The following RELN variants were observed in gnomAD, a reference collection of about 807,000 sequenced individuals.
The protein encoded by RELN is reelin.
Under a neutral mutation model 427.6 loss-of-function variants are expected in RELN, and 108 were observed. The ratio of observed to expected loss-of-function variants is 0.25; its 90% CI spans 0.22 to 0.30. The LOEUF (loss-of-function observed/expected upper bound fraction) is 0.30. Among genes scored for constraint, RELN ranks in the 10% least tolerant of loss-of-function variants. The probability of loss-of-function intolerance (pLI) is 1.00; values close to 1 mark genes in which losing one functional copy is unlikely to be tolerated. For missense variants in RELN, 3,715 were observed against 4,302.8 expected (o/e 0.86, Z 3.82); for synonymous variants, 1,524 against 1,513.4 (o/e 1.01, Z -0.16).
chr7:103,816,726 G>A (rs543609275), intron 3 of RELN, among the ~76,000 whole-genome samples: 14 of 152,260 alleles, frequency 9.2e-5, no homozygotes, highest in African/African-American at 3.4e-4. Context: ...GATCATGTAA[G>A]CTACAATGAC....
At chr7:103,973,645 GAAATATTT>G (rs1342967942) in intron 1 of RELN, among the ~76,000 whole-genome samples, 1 of 152,034 alleles carries the variant, frequency 6.6e-6, no homozygotes, top group Non-Finnish European at 1.5e-5. Flanking sequence ...CCTGAAATGT[GAAATATTT>G]ATAGATTTTT....
At chr7:103,610,106 A>C (rs1282868736) in intron 22 of RELN, among the ~76,000 whole-genome samples, 2 of 152,206 alleles carry the variant, frequency 1.3e-5, no homozygotes, top group Non-Finnish European at 2.9e-5. Context: ...CAAATATTAC[A>C]TCTTTTTGAG....
At chr7:103,720,172 A>T (rs1284752924) in intron 8 of RELN, among the ~76,000 whole-genome samples, 3 of 143,468 alleles carry the variant, frequency 2.1e-5, no homozygotes, top group Admixed American at 1.4e-4. Flanking sequence ...TTGTATAAAC[A>T]TTGTGTGTGT....
intron 10 of RELN, among the ~76,000 whole-genome samples, chr7:103,694,662 T>C (rs1833939805): frequency 6.6e-6 from 1 of 152,098 alleles, no homozygotes; most frequent in Non-Finnish European, 1.5e-5. Flanking sequence ...TAATTAAGCA[T>C]TGCTGTTAGA....
intron 31 of RELN, among the ~76,000 whole-genome samples, chr7:103,568,897 G>A (rs1428948975): frequency 6.6e-6 from 1 of 152,126 alleles, no homozygotes; most frequent in Non-Finnish European, 1.5e-5. Flanking sequence ...CTCAAAGTAT[G>A]GTCTGAGACC....
intron 4 of RELN, 132 bp downstream of exon 4, chr7:103,776,425 G>A (rs1005533057): frequency 1.8e-5 from 16 of 877,962 alleles, no homozygotes; most frequent in Middle Eastern, 2.3e-4. Flanking sequence ...TTAGTGATAC[G>A]AAGGGTCAAT....
rs79466423 is a variant in RELN at position 103,836,899 on chromosome 7, A to C, written c.338-3227T>G. Among the ~76,000 whole-genome samples the C allele has an allele frequency of 3.7e-3, 567 of 152,274 alleles. 18 individuals carry two copies. In the East Asian group the frequency reaches 0.062, roughly 17 times the overall value. ...CTCCTTAAAAGCACAAAGCAGGTCT[A>C]CTAATCCACATTCCTCTAGCATCTA... On this transcript the variant is annotated intron_variant, in intron 2 of 64. Coordinates refer to ENST00000428762, the MANE Select transcript of RELN (RefSeq NM_005045.4).
Position 103,909,757 on chromosome 7 carries a change from AAT to A in RELN, c.337+7316_337+7317del, listed in dbSNP as rs1286121005. Reference sequence around the variant, plus strand: ...TTAATATATATAAATATATATATTAAATATATATATTTAATATATATAAATAT... The same window carrying A: ...TTAATATATATAAATATATATATTAAATATATATTTAATATATATAAATAT... On this transcript the variant is annotated intron_variant, in intron 2 of 64. Transcript: ENST00000428762. Among the ~76,000 whole-genome samples, 121 of 87,116 alleles carry A rather than the reference AAT, an allele frequency of 1.4e-3. 10 individuals are homozygous for A. The East Asian group carries it at 0.035, about 25-fold the overall frequency. The allele number at this position is 87,116 out of a possible 152,430, so 57.2% of individuals were successfully genotyped here.
intron 7 of RELN, among the ~76,000 whole-genome samples, chr7:103,724,998 C>T (rs1790170148): frequency 1.3e-5 from 2 of 151,946 alleles, no homozygotes; most frequent in East Asian, 1.9e-4. Flanking sequence ...ACAAAAGGGG[C>T]CCTTAAAGAG....
intron 4 of RELN, among the ~76,000 whole-genome samples, chr7:103,765,748 A>G (rs571222345): frequency 9.6e-4 from 146 of 152,306 alleles, no homozygotes; most frequent in South Asian, 3.7e-3. Context: ...TGTAGAAAGA[A>G]TTCTTCCATA....
chr7:103,828,284 C>A (rs1157508934), intron 3 of RELN, among the ~76,000 whole-genome samples: 1 of 151,922 alleles, frequency 6.6e-6, no homozygotes, highest in East Asian at 1.9e-4. Flanking sequence ...CTGCTAGTGT[C>A]TGCAATTTTT....
At chr7:103,808,045 T>C (rs1792643409) in intron 3 of RELN, among the ~76,000 whole-genome samples, 1 of 152,154 alleles carries the variant, frequency 6.6e-6, no homozygotes. Context: ...CTCTTGGATT[T>C]CATAAGGCTG....
intron 1 of RELN, among the ~76,000 whole-genome samples, chr7:103,924,991 TACACACAC>T (rs57662220): frequency 0.028 from 1,349 of 49,054 alleles, 32 homozygotes; most frequent in African/African-American, 0.073. Flanking sequence ...CGCATACACA[TACACACAC>T]ACACACACAC....
intron 34 of RELN, 110 bp from the exon 35 acceptor site, chr7:103,562,063 G>C: frequency 3.1e-6 from 4 of 1,285,414 alleles, no homozygotes; most frequent in Non-Finnish European, 4.3e-6. Context: ...CTTCCTCCAG[G>C]GTCCAGTTCT....
Position 103,650,313 on chromosome 7 carries a change from T to C in RELN, c.1963A>G (p.Thr655Ala), listed in dbSNP as rs1832887178. The change falls in exon 16 of 65, where the codon ACA becomes GCA. Residue 655 changes from threonine (T) to alanine (A), a missense_variant. Thr to Ala is a moderately conservative substitution (Grantham distance 58, BLOSUM62 0). Around this residue, in one of 4 missense-constraint regions of RELN, gnomAD observed 2,208 missense variants for 2,361.7 expected, o/e 0.93. Coordinates refer to ENST00000428762, the MANE Select transcript of RELN (RefSeq NM_005045.4). ...CACATGTTTCCAAGGATTGGTCCTG[T>C]TTGTCTCCAGCGAATCCTGGTGTTC... ...TRNTRIRWRQ[T>A]GPILGNMWAI... 6.2e-7 allele frequency: 1 copy of C among 1,612,618 alleles called. No homozygotes were observed. Among genetic ancestry groups the C allele is most frequent in the South Asian group, 1.1e-5 (1 of 91,068 alleles).
chr7:103,906,093 T>TAC (rs1795198853), intron 2 of RELN, among the ~76,000 whole-genome samples: 1 of 151,556 alleles, frequency 6.6e-6, no homozygotes, highest in South Asian at 2.1e-4. Flanking sequence ...GTAGTGGGAG[T>TAC]AGGTGTCTGG....
chr7:103,987,986 A>G (rs963775109), intron 1 of RELN, among the ~76,000 whole-genome samples: 1 of 152,164 alleles, frequency 6.6e-6, no homozygotes, highest in Non-Finnish European at 1.5e-5. Flanking sequence ...GATTCTTACA[A>G]TTTTTAAATG....
rs68023932 is a variant in RELN at position 103,986,930 on chromosome 7, CTGTGTGTGTGTGTGTGTGTGTGTGTG to C, written c.226+2175_226+2200del. Among the ~76,000 whole-genome samples, 6 of 148,958 alleles carry C rather than the reference CTGTGTGTGTGTGTGTGTGTGTGTGTG, an allele frequency of 4.0e-5. No individual in the cohort carries two copies. In the South Asian group the frequency reaches 1.3e-3, roughly 32 times the overall value. ...ATTGGCAGTTCAATTCTAACAGAAG[CTGTGTGTGTGTGTGTGTGTGTGTGTG>C]TGTGTGTGTGTGTGTGTCTGAATTT... On this transcript the variant is annotated intron_variant, in intron 1 of 64. Coordinates refer to ENST00000428762, the MANE Select transcript of RELN (RefSeq NM_005045.4).
rs115886170 is a variant in RELN, at chr7:103,604,432, G to A, written c.3060C>T (p.Asp1020=). Residue 1020 remains aspartate (D), a synonymous_variant, in exon 23 of 65, where the codon GAC becomes GAT. Transcript: ENST00000428762. ...TGTAAATGCTGTCCAAAGCCCACTC[G>A]TCTTGAGCTGTGTAATAGCTCTGGC... is the stretch of plus-strand genomic sequence containing the variant. The part of the protein sequence containing the change: ...RWSQSYYTAQ[D]EWALDSIYIG... 1.9e-4 allele frequency: 314 copies of A among 1,613,876 alleles called. 1 individual carries two copies. The East Asian group carries it at 6.0e-3, about 31-fold the overall frequency.
Sources: allele counts gnomAD v4.1 joint callset (sites outside exome capture counted in the v4.1 genomes callset), GRCh38; gene constraint gnomAD v4.1.1; regional missense constraint gnomAD v4.1.1; transcripts MANE v1.5; gene names NCBI Gene and HGNC (gene_info 2026-07-23, HGNC 2026-07-21).